NEMF: variants seen among roughly 807,000 people sequenced by gnomAD.
NEMF encodes nuclear export mediator factor.
Under a neutral mutation model 162.2 loss-of-function variants are expected in NEMF, and 89 were observed. The ratio of observed to expected loss-of-function variants is 0.55; its 90% CI spans 0.46 to 0.65. NEMF has a LOEUF of 0.65. Ranked by LOEUF, NEMF falls within the 30% of genes least tolerant of loss-of-function variation. The probability of loss-of-function intolerance (pLI) is 0.00; values close to 1 mark genes in which losing one functional copy is unlikely to be tolerated. For synonymous variants in NEMF, 421 were observed against 404.5 expected (o/e 1.04, Z -0.49); for missense variants, 1,133 against 1,261.9 (o/e 0.90, Z 1.55).
At chr14:49,820,467 T>C (rs1483208420) in intron 16 of NEMF, 1 of 456,658 alleles carries the variant, frequency 2.2e-6, no homozygotes, top group Non-Finnish European at 4.4e-6. Context: ...CTGAAAGTAT[T>C]GTATCAAGAG....
At chr14:49,851,752 C>G (rs538419661) in intron 2 of NEMF, 55 bp downstream of exon 2, 30 of 1,447,042 alleles carry the variant, frequency 2.1e-5, no homozygotes, top group Non-Finnish European at 2.8e-5. Flanking sequence ...TAAAAAAAAT[C>G]AGTAATCTCA....
intron 6 of NEMF, 76 bp downstream of exon 6, chr14:49,838,063 C>T (rs1449856923): frequency 8.6e-7 from 1 of 1,158,250 alleles, no homozygotes; most frequent in Non-Finnish European, 1.3e-6. Context: ...CTAATAAAAC[C>T]ATAAAAGATT....
At chr14:49,837,450 A>G (rs1032723093) in intron 6 of NEMF, among the ~76,000 whole-genome samples, 4 of 152,280 alleles carry the variant, frequency 2.6e-5, no homozygotes, top group African/African-American at 9.6e-5. Flanking sequence ...TCGGAGTTTG[A>G]GACCAGCCTG....
intron 3 of NEMF, among the ~76,000 whole-genome samples, chr14:49,850,289 T>C (rs1201761290): frequency 6.6e-6 from 1 of 152,178 alleles, no homozygotes; most frequent in Admixed American, 6.5e-5. Context: ...GGTTTCACCA[T>C]GTTGGCTGGG....
rs1448622342 is a variant in NEMF at position 49,782,381 on chromosome 14, C to A, written c.*2255G>T. On this transcript the variant is annotated 3_prime_UTR_variant, in exon 33 of 33. Coordinates refer to ENST00000298310, the MANE Select transcript of NEMF (RefSeq NM_004713.6). ...TGTTTTAAATGCAGGTTATGGCACA[C>A]AGCTTGTGCCAGCGATGAAGGAGAA... 6.2e-7 allele frequency: 1 copy of A among 1,610,830 alleles called. No homozygotes were observed. Among genetic ancestry groups the A allele is most frequent in the South Asian group, 1.1e-5 (1 of 90,726 alleles).
chr14:49,787,459 G>C (rs1402360990), intron 28 of NEMF, among the ~76,000 whole-genome samples: 1 of 152,182 alleles, frequency 6.6e-6, no homozygotes, highest in Non-Finnish European at 1.5e-5. Flanking sequence ...GCCAAGGTCG[G>C]GGGATCCCTT....
chr14:49,829,024 A>G (rs760647113), intron 13 of NEMF, 30 bp downstream of exon 13: 22 of 1,579,502 alleles, frequency 1.4e-5, no homozygotes, highest in Non-Finnish European at 1.8e-5. Flanking sequence ...AAAGACAAGC[A>G]TTAACTGCTT....
chr14:49,831,483 G>A, intron 10 of NEMF, 122 bp from the exon 11 acceptor site: 1 of 654,140 alleles, frequency 1.5e-6, no homozygotes, highest in Admixed American at 2.5e-5. Flanking sequence ...TGTTGCCCAG[G>A]CGGGACTGCA....
intron 5 of NEMF, among the ~76,000 whole-genome samples, chr14:49,839,054 C>T (rs909025145): frequency 6.8e-6 from 1 of 147,292 alleles, no homozygotes; most frequent in Admixed American, 7.0e-5. Flanking sequence ...CCAGGTAATG[C>T]TGAAGCATGT....
In NEMF at chr14:49,819,305, GTAAC is replaced by G. The variant is rs530401815; in HGVS notation, c.1578-4452_1578-4449del. On this transcript the variant is annotated intron_variant, in intron 16 of 32. Coordinates refer to ENST00000298310, the MANE Select transcript of NEMF (RefSeq NM_004713.6). ...TCTTACCAGACACACAAAAAACAGA[GTAAC>G]TACGTGAGATGATGCATATGTTAAT... Among the ~76,000 whole-genome samples, 39 of 152,002 alleles carry G rather than the reference GTAAC, an allele frequency of 2.6e-4. 1 individual carries two copies. Among genetic ancestry groups the G allele is most frequent in the Non-Finnish European group, 5.6e-4 (38 of 67,986 alleles).
At chr14:49,848,296 T>C (rs1893609971) in intron 3 of NEMF, among the ~76,000 whole-genome samples, 1 of 152,170 alleles carries the variant, frequency 6.6e-6, no homozygotes, top group Non-Finnish European at 1.5e-5. Flanking sequence ...CTCCTATCCC[T>C]GGCCATAAGG....
intron 16 of NEMF, among the ~76,000 whole-genome samples, chr14:49,819,502 C>T (rs2139924068): frequency 6.6e-6 from 1 of 151,844 alleles, no homozygotes; most frequent in Admixed American, 6.6e-5. Context: ...GCAACGTCTG[C>T]CTCCCAGGCT....
chr14:49,850,003 A>G (rs1186954096), intron 3 of NEMF, among the ~76,000 whole-genome samples: 1 of 152,236 alleles, frequency 6.6e-6, no homozygotes, highest in Non-Finnish European at 1.5e-5. Context: ...CTCTAATGAA[A>G]TAACTCAATG....
intron 25 of NEMF, among the ~76,000 whole-genome samples, chr14:49,796,838 TCATTTCCCCAAAG>T (rs1192569676): frequency 2.6e-5 from 4 of 152,226 alleles, no homozygotes. Context: ...AGTCTATTTA[TCATTTCCCCAAAG>T]CACTATGCAT....
intron 5 of NEMF, among the ~76,000 whole-genome samples, chr14:49,840,265 C>T (rs1355286981): frequency 2.6e-5 from 4 of 152,166 alleles, no homozygotes; most frequent in Non-Finnish European, 5.9e-5. Flanking sequence ...AGATCAAGAC[C>T]AGCAAGGCTA....
chr14:49,817,665 A>G (rs1891784158), intron 16 of NEMF, among the ~76,000 whole-genome samples: 1 of 152,244 alleles, frequency 6.6e-6, no homozygotes, highest in African/African-American at 2.4e-5. Flanking sequence ...TGGCAGAAGT[A>G]AAAGGAGAAA....
intron 16 of NEMF, among the ~76,000 whole-genome samples, chr14:49,822,118 C>T (rs1892095371): frequency 6.6e-6 from 1 of 151,802 alleles, no homozygotes; most frequent in Admixed American, 6.6e-5. Context: ...GCAGCATGCT[C>T]GTTGAGAGTC....
At chr14:49,842,288 T>C (rs1460310145) in intron 4 of NEMF, among the ~76,000 whole-genome samples, 1 of 152,094 alleles carries the variant, frequency 6.6e-6, no homozygotes, top group African/African-American at 2.4e-5. Context: ...AGGTAAAACA[T>C]AGCAAAGACA....
rs776173792 is a variant in NEMF at position 49,831,290 on chromosome 14, A to C, written c.945+9T>G. On this transcript the variant is annotated intron_variant, in intron 11 of 32. Coordinates refer to ENST00000298310, the MANE Select transcript of NEMF (RefSeq NM_004713.6). Reference sequence around the variant, plus strand: ...AGCTGGTTTAATATGTGTTTTTAATAATACATACCTGTTGTAAAGCTTTTA... The same window carrying C: ...AGCTGGTTTAATATGTGTTTTTAATCATACATACCTGTTGTAAAGCTTTTA... 1 of 1,485,612 alleles carries C rather than the reference A, an allele frequency of 6.7e-7. No individual in the cohort carries two copies. The highest frequency in any genetic ancestry group is 1.1e-5 in the South Asian group (1 of 87,548). The allele number at this position is 1,485,612 out of a possible 1,614,324, so 92.0% of individuals were successfully genotyped here.
Sources: gnomAD v4.1 joint callset for allele counts (sites outside exome capture counted in the v4.1 genomes callset) on GRCh38, gnomAD v4.1.1 for gene constraint, MANE v1.5 for transcripts, NCBI Gene and HGNC (gene_info 2026-07-23, HGNC 2026-07-21) for gene names.